The following CNTN6 variants were observed in gnomAD, a reference collection of about 807,000 sequenced individuals.
CNTN6 encodes the protein contactin-6.
A neutral mutation model predicts 122.8 loss-of-function variants in CNTN6; 137 were observed. The observed-to-expected ratio is 1.12, with a 90% CI of 0.97 to 1.29. CNTN6 has a LOEUF of 1.29. Among genes scored for constraint, CNTN6 ranks in the 50% most tolerant of loss-of-function variants. The pLI is 0.00. For missense variants in CNTN6, 1,634 were observed against 1,223.4 expected (o/e 1.34, Z -5.01); for synonymous variants, 570 against 426.0 (o/e 1.34, Z -4.16).
At chr3:1,370,719 G>T (rs906392232) in intron 12 of CNTN6, among the ~76,000 whole-genome samples, 2 of 151,992 alleles carry the variant, frequency 1.3e-5, no homozygotes, top group Non-Finnish European at 2.9e-5. Context: ...ATGGTGGTGC[G>T]TGCCTGTAAT....
chr3:1,310,102 A>ATTT (rs397977865), intron 7 of CNTN6, among the ~76,000 whole-genome samples: 2 of 151,102 alleles, frequency 1.3e-5, no homozygotes, highest in African/African-American at 2.4e-5. Flanking sequence ...ATCTATATAC[A>ATTT]TTTTTTTTGC....
chr3:1,264,561 A>T lies in CNTN6; in HGVS notation c.359-13852A>T, dbSNP rs2094897419. Among the ~76,000 whole-genome samples, 2 of 151,872 alleles carry T rather than the reference A, an allele frequency of 1.3e-5. 1 individual carries two copies. Among genetic ancestry groups the T allele is most frequent in the South Asian group, 4.2e-4 (2 of 4,814 alleles). Reference sequence around the variant, plus strand: ...AACCAGCTTCATCTGTATTTTTAAAATTATTTTTAAATTTTATTTTTAATT... The same window carrying T: ...AACCAGCTTCATCTGTATTTTTAAATTTATTTTTAAATTTTATTTTTAATT... On this transcript the variant is annotated intron_variant, in intron 4 of 22. Transcript: ENST00000446702.
At chr3:1,138,639 T>C (rs978135033) in intron 1 of CNTN6, among the ~76,000 whole-genome samples, 5 of 152,036 alleles carry the variant, frequency 3.3e-5, no homozygotes, top group African/African-American at 1.2e-4. Flanking sequence ...CACTCTAATA[T>C]TGCTCACAGA....
chr3:1,359,136 T>C (rs936869763), intron 12 of CNTN6, among the ~76,000 whole-genome samples: 1 of 152,040 alleles, frequency 6.6e-6, no homozygotes, highest in Non-Finnish European at 1.5e-5. Context: ...TGGAGAATAG[T>C]CTGAATGAAC....
chr3:1,238,216 A>G (rs1173871349), intron 4 of CNTN6, among the ~76,000 whole-genome samples: 1 of 152,168 alleles, frequency 6.6e-6, no homozygotes, highest in East Asian at 1.9e-4. Flanking sequence ...AGAAGAACTC[A>G]AATTTACTTA....
intron 3 of CNTN6, among the ~76,000 whole-genome samples, chr3:1,226,177 C>T (rs879296600): frequency 1.4e-4 from 21 of 152,234 alleles, no homozygotes; most frequent in Middle Eastern, 3.4e-3. Context: ...CTGCACCCAA[C>T]CTCTTTGAAT....
At chr3:1,294,092 A>C (rs1364046960) in intron 5 of CNTN6, among the ~76,000 whole-genome samples, 1 of 152,120 alleles carries the variant, frequency 6.6e-6, no homozygotes, top group Non-Finnish European at 1.5e-5. Context: ...ATTATGGCTT[A>C]CTCCTAGGAA....
intron 13 of CNTN6, 105 bp downstream of exon 13, chr3:1,372,579 C>T: frequency 2.0e-6 from 2 of 980,760 alleles, no homozygotes; most frequent in South Asian, 1.8e-5. Flanking sequence ...CATGGATAAT[C>T]ACTGACTGTT....
intron 2 of CNTN6, among the ~76,000 whole-genome samples, chr3:1,195,261 C>A (rs917308153): frequency 6.6e-6 from 1 of 152,150 alleles, no homozygotes; most frequent in Non-Finnish European, 1.5e-5. Flanking sequence ...CTAAACTGAG[C>A]CTGGTGATTC....
chr3:1,401,023 T>C (rs913680094), intron 20 of CNTN6, among the ~76,000 whole-genome samples: 4 of 152,122 alleles, frequency 2.6e-5, no homozygotes, highest in African/African-American at 7.2e-5. Context: ...AAGTAAAGAA[T>C]TTTAGGAATG....
intron 2 of CNTN6, among the ~76,000 whole-genome samples, chr3:1,204,141 T>A (rs966273485): frequency 1.3e-5 from 2 of 152,188 alleles, no homozygotes; most frequent in African/African-American, 4.8e-5. Flanking sequence ...TTTTTCCAAA[T>A]GTTTATGTTA....
At chr3:1,298,876 G>A (rs1434745866) in intron 7 of CNTN6, among the ~76,000 whole-genome samples, 1 of 152,066 alleles carries the variant, frequency 6.6e-6, no homozygotes, top group East Asian at 1.9e-4. Flanking sequence ...GGTAAGCTCG[G>A]AGGGCTTACC....
intron 20 of CNTN6, chr3:1,394,049 G>C (rs1231207661): frequency 6.3e-6 from 1 of 157,846 alleles, no homozygotes; most frequent in Non-Finnish European, 1.4e-5. Flanking sequence ...CTTTCCCCAA[G>C]GTCACACAGC....
intron 4 of CNTN6, among the ~76,000 whole-genome samples, chr3:1,267,060 C>T (rs903965806): frequency 1.1e-4 from 16 of 150,010 alleles, no homozygotes; most frequent in Non-Finnish European, 1.9e-4. Context: ...GGACTACAGG[C>T]ACACACTGCC....
intron 4 of CNTN6, among the ~76,000 whole-genome samples, chr3:1,271,837 A>G (rs2095032396): frequency 6.6e-6 from 1 of 152,176 alleles, no homozygotes; most frequent in African/African-American, 2.4e-5. Flanking sequence ...ATAAGTGGCA[A>G]GGAGACCCCA....
intron 4 of CNTN6, among the ~76,000 whole-genome samples, chr3:1,277,391 G>A (rs1692595484): frequency 9.8e-6 from 1 of 102,248 alleles, no homozygotes. Context: ...ACCGATTCTG[G>A]CTCTGTCTCT....
At chr3:1,219,993 A>G (rs2094184595) in intron 2 of CNTN6, among the ~76,000 whole-genome samples, 1 of 151,754 alleles carries the variant, frequency 6.6e-6, no homozygotes, top group South Asian at 2.1e-4. Context: ...CAGAATGACA[A>G]TCTGTCTCAA....
chr3:1,154,717 A>G (rs541598277), intron 2 of CNTN6, among the ~76,000 whole-genome samples: 101 of 152,250 alleles, frequency 6.6e-4, no homozygotes, highest in African/African-American at 2.4e-3. Context: ...TGCTGGGATT[A>G]CAGGCGTGAG....
At chr3:1,209,651 A>G (rs1157938) in intron 2 of CNTN6, among the ~76,000 whole-genome samples, 87,127 of 152,038 alleles carry the variant, frequency 0.57, 26,661 homozygotes, top group East Asian at 0.82. Context: ...AATTTAAAAG[A>G]CAACAATTCA....
Sources: gnomAD v4.1 joint callset for allele counts (sites outside exome capture counted in the v4.1 genomes callset) on GRCh38, gnomAD v4.1.1 for gene constraint, MANE v1.5 for transcripts, NCBI Gene and HGNC (gene_info 2026-07-23, HGNC 2026-07-21) for gene names.